The following KIFAP3 variants were observed in gnomAD, a reference collection of about 807,000 sequenced individuals.
The protein encoded by KIFAP3 is kinesin-associated protein 3.
KIFAP3 carries 68 observed loss-of-function variants against 106.5 expected under a neutral mutation model. That is an observed-to-expected ratio of 0.64 (90% CI 0.53 to 0.78). The LOEUF is 0.78. Among genes scored for constraint, KIFAP3 ranks in the 30% least tolerant of loss-of-function variants. KIFAP3 has a pLI of 0.00. For synonymous variants in KIFAP3, 320 were observed against 311.5 expected (o/e 1.03, Z -0.29); for missense variants, 780 against 941.8 (o/e 0.83, Z 2.25).
At chr1:170,085,017 A>G (rs926733922) in intron 1 of KIFAP3, 2 of 152,226 alleles carry the variant, frequency 1.3e-5, no homozygotes, top group African/African-American at 4.8e-5. Context: ...TCAACAGTAC[A>G]TAGAAAATCT....
intron 10 of KIFAP3, among the ~76,000 whole-genome samples, chr1:169,998,134 T>C (rs1267010277): frequency 6.6e-6 from 1 of 151,938 alleles, no homozygotes; most frequent in East Asian, 1.9e-4. Flanking sequence ...TTCCTTCTTT[T>C]AACAGAACTT....
At chr1:170,034,605 T>C in intron 6 of KIFAP3, 109 bp from the exon 7 acceptor site, 1 of 501,770 alleles carries the variant, frequency 2.0e-6, no homozygotes, top group Non-Finnish European at 3.4e-6. Flanking sequence ...AAATTTGATA[T>C]ACATATTTTA....
At chr1:169,951,781 G>A (rs950331369) in intron 19 of KIFAP3, among the ~76,000 whole-genome samples, 3 of 151,968 alleles carry the variant, frequency 2.0e-5, no homozygotes, top group Non-Finnish European at 3.0e-5. Context: ...AGTAATGCAT[G>A]ATTTATAGCA....
chr1:170,015,152 ATC>A (rs1668442166), intron 10 of KIFAP3, among the ~76,000 whole-genome samples: 1 of 152,202 alleles, frequency 6.6e-6, no homozygotes, highest in Non-Finnish European at 1.5e-5. Flanking sequence ...TTTCTTAAAA[ATC>A]TCTTTTAAAT....
In KIFAP3 at chr1:170,052,790, C is replaced by T. The variant is rs180843459; in HGVS notation, c.164+2515G>A. The stretch of plus-strand genomic sequence containing the variant: ...AGAAAAGGCCTTCGAAAAAATTCAA[C>T]ATCTTTTTATGTTAAAAACTCTCAA... On this transcript the variant is annotated intron_variant, in intron 2 of 19. Coordinates refer to ENST00000361580, the MANE Select transcript of KIFAP3 (RefSeq NM_014970.4). Among the ~76,000 whole-genome samples, 12 of 152,314 alleles carry T rather than the reference C, an allele frequency of 7.9e-5. No individual in the cohort carries two copies. The East Asian group carries it at 2.3e-3, about 29-fold the overall frequency.
chr1:170,013,503 C>CAT (rs753110847), intron 10 of KIFAP3, among the ~76,000 whole-genome samples: 9 of 147,786 alleles, frequency 6.1e-5, no homozygotes, highest in Non-Finnish European at 1.0e-4. Context: ...ATATAAAATA[C>CAT]ATATATATAT....
intron 8 of KIFAP3, among the ~76,000 whole-genome samples, chr1:170,025,318 T>C (rs185118080): frequency 6.6e-6 from 1 of 152,260 alleles, no homozygotes; most frequent in African/African-American, 2.4e-5. Flanking sequence ...TTTTCCTTGA[T>C]TGACAGTGAG....
At chr1:169,983,892 T>C (rs1170644119) in intron 12 of KIFAP3, among the ~76,000 whole-genome samples, 5 of 151,874 alleles carry the variant, frequency 3.3e-5, no homozygotes, top group African/African-American at 1.2e-4. Flanking sequence ...ATATCCATAA[T>C]AGTGAAGTAA....
chr1:169,925,754 A>G (rs1009503252), intron 19 of KIFAP3, among the ~76,000 whole-genome samples: 2 of 152,138 alleles, frequency 1.3e-5, no homozygotes, highest in African/African-American at 4.8e-5. Flanking sequence ...GCCAGAGTTG[A>G]CATTCCTGTA....
In KIFAP3 at chr1:169,972,564, A is replaced by C. The variant is rs770905014; in HGVS notation, c.1932T>G (p.Asp644Glu). Reference protein sequence around the residue: ...APAYLIDLMHDKNNEIRKVCD... With the variant: ...APAYLIDLMHEKNNEIRKVCD... ...AGACCTTTCGGATTTCATTATTCTT[A>C]TCATGCATTAGGTCTATGAGATATG... The change falls in exon 17 of 20, where the codon GAT becomes GAG. Residue 644 changes from aspartate (D) to glutamate (E), a missense_variant. Around this residue, in one of 3 missense-constraint regions of KIFAP3, gnomAD observed 78 missense variants for 140.6 expected, o/e 0.55. Coordinates refer to ENST00000361580, the MANE Select transcript of KIFAP3 (RefSeq NM_014970.4). The C allele has an allele frequency of 6.4e-7, 1 of 1,572,066 alleles. No homozygotes were observed. Among genetic ancestry groups the C allele is most frequent in the Non-Finnish European group, 8.7e-7 (1 of 1,145,836 alleles).
intron 3 of KIFAP3, 75 bp downstream of exon 3, chr1:170,046,637 T>C: frequency 8.2e-7 from 1 of 1,218,416 alleles, no homozygotes; most frequent in Non-Finnish European, 1.1e-6. Context: ...ATAAACTTTT[T>C]TTTATAGTTG....
intron 1 of KIFAP3, among the ~76,000 whole-genome samples, chr1:170,060,983 CT>C (rs1334736655): frequency 2.0e-5 from 3 of 152,156 alleles, no homozygotes; most frequent in Non-Finnish European, 4.4e-5. Context: ...AACTGGATCC[CT>C]TCCTTACACC....
At chr1:169,966,021 T>C (rs1338121754) in intron 17 of KIFAP3, among the ~76,000 whole-genome samples, 1 of 151,902 alleles carries the variant, frequency 6.6e-6, no homozygotes, top group Admixed American at 6.6e-5. Flanking sequence ...ATAGAACCAG[T>C]GCATCTCTTG....
rs762221012 is a variant in KIFAP3 at position 170,055,324 on chromosome 1, G to A, written c.145C>T (p.Arg49Ter). Residue 49 changes from arginine (R) to a stop codon, truncating the protein, a stop_gained, in exon 2 of 20, where the codon CGA becomes TGA. Coordinates refer to ENST00000361580, the MANE Select transcript of KIFAP3 (RefSeq NM_014970.4). LOFTEE classifies it high-confidence loss of function. Reference sequence around the variant, plus strand: ...ACTTACATTTTTTGACATTCTTTTCGTTCTCCCAACATGGGGTCCCCCATT... The same window carrying A: ...ACTTACATTTTTTGACATTCTTTTCATTCTCCCAACATGGGGTCCCCCATT... ...GEMGDPMLGE[R>*]KECQKIIRLK... 2.5e-6 allele frequency: 4 copies of A among 1,599,962 alleles called. No individual in the cohort carries two copies. In the Admixed American group the frequency reaches 5.4e-5, roughly 21 times the overall value.
chr1:169,945,142 G>A (rs1435795251), intron 19 of KIFAP3, among the ~76,000 whole-genome samples: 7 of 19,388 alleles, frequency 3.6e-4, no homozygotes, highest in Non-Finnish European at 5.5e-4. Flanking sequence ...GAGGCAGTGG[G>A]GGGCGGGGGG....
rs760116517 is a variant in KIFAP3 at position 169,981,973 on chromosome 1, A to G, written c.1797T>C (p.Asn599=). 1.9e-6 allele frequency: 3 copies of G among 1,610,540 alleles called. No individual in the cohort carries two copies. The African/African-American group carries it at 4.0e-5, about 22-fold the overall frequency. ...TAAAAATAAATTAAGGTTATTTACC[A>G]TTTAGCAATTCAATGAGTGCAGGGA... ...GIIPALIELL[N]AQQEDDEFVC... is the part of the protein sequence containing the mutation. The change falls in exon 15 of 20, where the codon AAT becomes AAC. Residue 599 remains asparagine, a splice_region_variant and synonymous_variant. Transcript: ENST00000361580.
rs117187562 is a variant in KIFAP3, at chr1:169,944,156, C to T, written c.2273+9855G>A. Among the ~76,000 whole-genome samples the T allele has an allele frequency of 2.9e-4, 39 of 134,866 alleles. No homozygotes were observed. In the East Asian group the frequency reaches 8.4e-3, roughly 29 times the overall value. The allele number at this position is 134,866 out of a possible 152,430, so 88.5% of individuals were successfully genotyped here. On this transcript the variant is annotated intron_variant, in intron 19 of 19. Coordinates refer to ENST00000361580, the MANE Select transcript of KIFAP3 (RefSeq NM_014970.4). ...GCTACCAACCTGGATCCCACACCTG[C>T]CAAGGGTTAGCCAGGTGTGGAGCGG...
chr1:169,970,847 T>C (rs1294921679), intron 17 of KIFAP3, among the ~76,000 whole-genome samples: 1 of 152,004 alleles, frequency 6.6e-6, no homozygotes, highest in Non-Finnish European at 1.5e-5. Context: ...AGAATTTTCA[T>C]AGGTTTAAAG....
At chr1:170,055,535 T>C (rs1283846915) in intron 1 of KIFAP3, 99 bp from the exon 2 acceptor site, 1 of 848,798 alleles carries the variant, frequency 1.2e-6, no homozygotes, top group Non-Finnish European at 1.8e-6. Context: ...TGGATTAACA[T>C]GTGCATTTGA....
Sources: allele counts gnomAD v4.1 joint callset (sites outside exome capture counted in the v4.1 genomes callset), GRCh38; gene constraint gnomAD v4.1.1; regional missense constraint gnomAD v4.1.1; transcripts MANE v1.5; gene names NCBI Gene and HGNC (gene_info 2026-07-23, HGNC 2026-07-21).